IMPA2: variants seen among roughly 807,000 people sequenced by gnomAD.
IMPA2 encodes IMP 2.
Under a neutral mutation model 35.1 loss-of-function variants are expected in IMPA2, and 32 were observed. The ratio of observed to expected loss-of-function variants is 0.91; its 90% CI spans 0.69 to 1.23. The LOEUF is 1.23. IMPA2 is among the 50% of genes most tolerant of loss of function. The pLI, the probability that IMPA2 is intolerant of heterozygous loss-of-function variation, is 0.00. For missense variants in IMPA2, 334 were observed against 387.6 expected (o/e 0.86, Z 1.16); for synonymous variants, 135 against 160.6 (o/e 0.84, Z 1.20).
chr18:11,989,129 G>A lies in IMPA2; in HGVS notation c.96+7364G>A, dbSNP rs111536039. On this transcript the variant is annotated intron_variant, in intron 1 of 7. Transcript: ENST00000269159. ...TAGGGCCATGTCCCGGACAGGAGGA[G>A]AGCAGGCTTGGCCACTGATGGGCTT... 7.5e-3 allele frequency among the ~76,000 whole-genome samples: 1,139 copies of A among 152,348 alleles called. 10 individuals are homozygous for A. The highest frequency in any genetic ancestry group is 0.022 in the South Asian group (107 of 4,828).
chr18:12,001,988 T>C (rs750155862), intron 2 of IMPA2, among the ~76,000 whole-genome samples: 1 of 152,196 alleles, frequency 6.6e-6, no homozygotes, highest in Admixed American at 6.5e-5. Context: ...AAGCAGCTGT[T>C]CTCTTCTCTG....
At chr18:12,009,019 G>C (rs956411840) in intron 2 of IMPA2, among the ~76,000 whole-genome samples, 9 of 152,124 alleles carry the variant, frequency 5.9e-5, no homozygotes, top group African/African-American at 2.2e-4. Context: ...GGCAGGGAGC[G>C]TCCCAGCCTC....
At chr18:11,984,272 C>T (rs1243683586) in intron 1 of IMPA2, among the ~76,000 whole-genome samples, 2 of 152,214 alleles carry the variant, frequency 1.3e-5, no homozygotes, top group African/African-American at 4.8e-5. Flanking sequence ...CTCTTCCTTC[C>T]GTGACCGTGG....
At chr18:12,017,102 A>G (rs966999618) in intron 5 of IMPA2, among the ~76,000 whole-genome samples, 2 of 152,192 alleles carry the variant, frequency 1.3e-5, no homozygotes, top group Admixed American at 1.3e-4. Context: ...TCAACTCACA[A>G]GTTAAAAAAC....
rs1907967030 is a variant in IMPA2, at chr18:12,029,057, C to T, written c.751+64C>T. ...AGACTGAGAGACACTGTGGGTGGGG[C>T]ACTTCCTGAAGTCCCCACCAACTGA... On this transcript the variant is annotated intron_variant, in intron 7 of 7. Transcript: ENST00000269159. 7 of 1,442,552 alleles carry T rather than the reference C, an allele frequency of 4.9e-6. No homozygotes were observed. The South Asian group carries it at 6.2e-5, about 13-fold the overall frequency. The allele number at this position is 1,442,552 out of a possible 1,614,324, so 89.4% of individuals were successfully genotyped here.
chr18:12,011,437 G>A (rs1056578941), intron 3 of IMPA2, among the ~76,000 whole-genome samples: 2 of 152,214 alleles, frequency 1.3e-5, no homozygotes, highest in African/African-American at 2.4e-5. Flanking sequence ...CCTGGCACAT[G>A]GTGCATTTGC....
chr18:11,994,851 G>C (rs1444824981), intron 1 of IMPA2: 1 of 152,528 alleles, frequency 6.6e-6, no homozygotes, highest in Non-Finnish European at 1.5e-5. Flanking sequence ...CCAGTTGGTG[G>C]CTTGTGTAAG....
chr18:11,995,808 T>G (rs75562639), intron 1 of IMPA2, among the ~76,000 whole-genome samples: 5,127 of 152,246 alleles, frequency 0.034, 244 homozygotes, highest in African/African-American at 0.11. Flanking sequence ...ACACAGACAC[T>G]AGTGTTCCCG....
intron 1 of IMPA2, among the ~76,000 whole-genome samples, chr18:11,995,450 C>T (rs942755184): frequency 6.6e-5 from 10 of 152,206 alleles, no homozygotes; most frequent in Admixed American, 2.6e-4. Flanking sequence ...GTGCTTGCTC[C>T]AACTTGGAGG....
chr18:12,024,195 T>C (rs890174798), intron 5 of IMPA2, among the ~76,000 whole-genome samples: 7 of 152,200 alleles, frequency 4.6e-5, no homozygotes, highest in African/African-American at 1.7e-4. Context: ...TGTTTTTATA[T>C]TGAAAGAGTG....
At chr18:12,017,843 C>T (rs1001024216) in intron 5 of IMPA2, 10 of 335,862 alleles carry the variant, frequency 3.0e-5, no homozygotes, top group East Asian at 1.2e-4. Flanking sequence ...CCTTTTGCCT[C>T]GGCCTCCGAA....
At chr18:11,989,432 A>G (rs1343713977) in intron 1 of IMPA2, among the ~76,000 whole-genome samples, 1 of 152,154 alleles carries the variant, frequency 6.6e-6, no homozygotes, top group East Asian at 1.9e-4. Context: ...AAATTCGAAA[A>G]CTCAACAACA....
chr18:12,023,716 C>T (rs1277712097), intron 5 of IMPA2, among the ~76,000 whole-genome samples: 1 of 152,200 alleles, frequency 6.6e-6, no homozygotes, highest in Non-Finnish European at 1.5e-5. Context: ...CTTCCTTCAT[C>T]TCTTCCCAGG....
intron 1 of IMPA2, among the ~76,000 whole-genome samples, chr18:11,988,224 T>C (rs1238863155): frequency 2.0e-5 from 3 of 152,176 alleles, no homozygotes; most frequent in Non-Finnish European, 4.4e-5. Flanking sequence ...CAGGCCAGTC[T>C]CAAACTCCTG....
chr18:12,018,897 T>C (rs977702363), intron 5 of IMPA2, among the ~76,000 whole-genome samples: 1 of 152,132 alleles, frequency 6.6e-6, no homozygotes, highest in Non-Finnish European at 1.5e-5. Flanking sequence ...TGATCGTAGC[T>C]CAATGCAGCC....
At position 12,030,594 on chromosome 18, in the gene IMPA2, T is replaced by C. The variant is rs1908022903; in HGVS notation, c.*136T>C. Reference sequence around the variant, plus strand: ...GCTACCCCAGAGGGAGTTGTCACGCTACAGTGAGTGGCTGGCCTTTTAAAT... The same window carrying C: ...GCTACCCCAGAGGGAGTTGTCACGCCACAGTGAGTGGCTGGCCTTTTAAAT... On this transcript the variant is annotated 3_prime_UTR_variant, in exon 8 of 8. Transcript: ENST00000269159. 1 of 636,100 alleles carries C rather than the reference T, an allele frequency of 1.6e-6. No homozygotes were observed. Among genetic ancestry groups the C allele is most frequent in the Non-Finnish European group, 2.8e-6 (1 of 360,006 alleles). The allele number at this position is 636,100 out of a possible 1,614,324, so 39.4% of individuals were successfully genotyped here.
At chr18:12,011,097 C>T (rs1228762664) in intron 3 of IMPA2, among the ~76,000 whole-genome samples, 1 of 152,160 alleles carries the variant, frequency 6.6e-6, no homozygotes, top group African/African-American at 2.4e-5. Context: ...CAGGTGAAGC[C>T]CCGTCACATG....
chr18:12,030,391 G>A lies in IMPA2; in HGVS notation c.800G>A (p.Arg267Gln), dbSNP rs765753392. 4.3e-5 allele frequency: 69 copies of A among 1,614,210 alleles called. No individual in the cohort carries two copies. The highest frequency in any genetic ancestry group is 2.7e-4 in the African/African-American group (20 of 75,054). ...MACRVVAAST[R>Q]EMAMLIAQAL... ...TGCAGAGTGGTTGCGGCCAGCACCC[G>A]GGAGATGGCGATGCTCATAGCTCAG... Residue 267 changes from arginine (R) to glutamine (Q), a missense_variant, in exon 8 of 8, where the codon CGG becomes CAG. Arg to Gln is a conservative substitution (Grantham distance 43, BLOSUM62 1). Coordinates refer to ENST00000269159, the MANE Select transcript of IMPA2 (RefSeq NM_014214.3).
At chr18:12,029,430 C>CT (rs373879139) in intron 7 of IMPA2, among the ~76,000 whole-genome samples, 85 of 140,888 alleles carry the variant, frequency 6.0e-4, no homozygotes, top group East Asian at 1.1e-3. Flanking sequence ...CACATTTTTT[C>CT]TTTTTTTTTT....
Sources: gnomAD v4.1 joint callset for allele counts (sites outside exome capture counted in the v4.1 genomes callset) on GRCh38, gnomAD v4.1.1 for gene constraint, MANE v1.5 for transcripts, NCBI Gene and HGNC (gene_info 2026-07-23, HGNC 2026-07-21) for gene names.